ENPP2: variants seen among roughly 807,000 people sequenced by gnomAD.
ENPP2 encodes the protein autotaxin.
A neutral mutation model predicts 120.2 loss-of-function variants in ENPP2; 51 were observed. The ratio of observed to expected loss-of-function variants is 0.42; its 90% CI spans 0.34 to 0.54. The LOEUF is 0.54. Among genes scored for constraint, ENPP2 ranks in the 20% least tolerant of loss-of-function variants. ENPP2 has a pLI of 0.04. For missense variants in ENPP2, 920 were observed against 1,066.5 expected, an observed-to-expected ratio of 0.86 and a Z score of 1.91; for synonymous variants, 365 against 366.4, an observed-to-expected ratio of 1.00 and a Z score of 0.04.
At chr8:119,653,639 A>G (rs1817686691) in intron 1 of ENPP2, among the ~76,000 whole-genome samples, 1 of 152,046 alleles carries the variant, frequency 6.6e-6, no homozygotes. Context: ...AGTAATTGGG[A>G]GCTAGTTTAT....
In ENPP2 at chr8:119,585,149, A is replaced by C. The variant is rs536447203; in HGVS notation, c.1367+1037T>G. 3.9e-5 allele frequency among the ~76,000 whole-genome samples: 6 copies of C among 152,308 alleles called. No individual in the cohort carries two copies. The East Asian group carries it at 1.2e-3, about 29-fold the overall frequency. ...CATACATAAAAGGTCCTTCAGGAGCACATACCGGGCCAATTAATTTCAGTC... is the reference window on the plus strand; with the variant it reads ...CATACATAAAAGGTCCTTCAGGAGCCCATACCGGGCCAATTAATTTCAGTC... On this transcript the variant is annotated intron_variant, in intron 15 of 24. Coordinates refer to ENST00000075322, the MANE Select transcript of ENPP2 (RefSeq NM_001040092.3).
At chr8:119,630,244 G>A (rs554542653) in intron 2 of ENPP2, among the ~76,000 whole-genome samples, 1 of 151,926 alleles carries the variant, frequency 6.6e-6, no homozygotes, top group Non-Finnish European at 1.5e-5. Context: ...GAGTAGCTGG[G>A]ATTAGAGGCA....
intron 5 of ENPP2, among the ~76,000 whole-genome samples, 184 bp from the exon 6 acceptor site, chr8:119,617,747 G>A (rs1418065031): frequency 4.6e-5 from 7 of 152,070 alleles, no homozygotes; most frequent in East Asian, 3.9e-4. Flanking sequence ...TCAGGAGTTC[G>A]AGACCAGCCT....
intron 11 of ENPP2, among the ~76,000 whole-genome samples, chr8:119,599,186 G>C (rs1367860599): frequency 1.3e-5 from 2 of 152,076 alleles, no homozygotes; most frequent in South Asian, 4.2e-4. Context: ...CATACAAGAC[G>C]GGTTAAACTT....
intron 12 of ENPP2, among the ~76,000 whole-genome samples, chr8:119,593,544 G>T (rs890589535): frequency 6.6e-6 from 1 of 152,116 alleles, no homozygotes; most frequent in African/African-American, 2.4e-5. Context: ...TATATAAGAA[G>T]TCCCAGCTTT....
chr8:119,598,327 A>C (rs1269795135), intron 11 of ENPP2, among the ~76,000 whole-genome samples: 1 of 152,254 alleles, frequency 6.6e-6, no homozygotes, highest in Non-Finnish European at 1.5e-5. Flanking sequence ...GAGTTTATCC[A>C]GTAGGCATAT....
chr8:119,576,676 T>A (rs1055831638), intron 19 of ENPP2, among the ~76,000 whole-genome samples: 2 of 152,206 alleles, frequency 1.3e-5, no homozygotes, highest in African/African-American at 4.8e-5. Context: ...AGTGCCAGAA[T>A]TGCTTGCTAC....
chr8:119,578,465 G>C (rs1276467884), intron 19 of ENPP2: 1 of 152,204 alleles, frequency 6.6e-6, no homozygotes, highest in Non-Finnish European at 1.5e-5. Flanking sequence ...TTAGTACCAT[G>C]AACAGTCAGA....
intron 4 of ENPP2, 113 bp from the exon 5 acceptor site, chr8:119,619,417 C>A (rs1383914018): frequency 1.7e-3 from 758 of 435,440 alleles, no homozygotes; most frequent in South Asian, 4.9e-3. Flanking sequence ...TGGGATATAA[C>A]AAAAAAAAAA....
chr8:119,598,637 C>T (rs1236563127), intron 11 of ENPP2, among the ~76,000 whole-genome samples: 1 of 152,150 alleles, frequency 6.6e-6, no homozygotes, highest in Non-Finnish European at 1.5e-5. Flanking sequence ...TGATTAAGAA[C>T]ATTTATCATT....
At chr8:119,604,424 G>A (rs1814546957) in intron 9 of ENPP2, among the ~76,000 whole-genome samples, 3 of 152,138 alleles carry the variant, frequency 2.0e-5, no homozygotes, top group African/African-American at 7.2e-5. Flanking sequence ...AAAAGGACAT[G>A]GCCCTTAGCC....
chr8:119,595,933 G>C, intron 11 of ENPP2: 5 of 1,613,654 alleles, frequency 3.1e-6, no homozygotes, highest in Non-Finnish European at 4.2e-6. Flanking sequence ...GGTCTTTCCT[G>C]TCTCCTCTTA....
In ENPP2 at chr8:119,619,307, A is replaced by G. The variant is rs765753795; in HGVS notation, c.419-3T>C. 14 of 1,601,306 alleles carry G rather than the reference A, an allele frequency of 8.7e-6. No homozygotes were observed. In the Admixed American group the frequency reaches 1.5e-4, roughly 17 times the overall value. ...ATCATCAACCCAATGCGACTCTCCT[A>G]TAAGGAAAAATGGGTAAATGTATTG... On this transcript the variant is annotated splice_region_variant and splice_polypyrimidine_tract_variant and intron_variant, in intron 4 of 24. Transcript: ENST00000075322.
At chr8:119,608,177 CA>C (rs993975749) in intron 8 of ENPP2, among the ~76,000 whole-genome samples, 200 bp from the exon 9 acceptor site, 4 of 152,182 alleles carry the variant, frequency 2.6e-5, no homozygotes, top group African/African-American at 9.7e-5. Flanking sequence ...ATATTCTCTG[CA>C]AAAGCTCTCA....
At chr8:119,665,783 T>TA (rs1818051260) in intron 1 of ENPP2, among the ~76,000 whole-genome samples, 1 of 152,246 alleles carries the variant, frequency 6.6e-6, no homozygotes, top group Admixed American at 6.5e-5. Context: ...AGCCTTTTTT[T>TA]AACTCATGCT....
At chr8:119,654,160 T>C (rs1360445976) in intron 1 of ENPP2, among the ~76,000 whole-genome samples, 1 of 142,358 alleles carries the variant, frequency 7.0e-6, no homozygotes, top group Admixed American at 7.1e-5. Flanking sequence ...AGTATCTATA[T>C]ATAATATTAG....
intron 1 of ENPP2, among the ~76,000 whole-genome samples, chr8:119,670,259 T>C (rs754553683): frequency 7.2e-5 from 11 of 152,240 alleles, no homozygotes; most frequent in Non-Finnish European, 1.5e-4. Flanking sequence ...ACTCGAGGCA[T>C]TATTCTCAAA....
At position 119,665,501 on chromosome 8, in the gene ENPP2, C is replaced by T. The variant is rs114883792; in HGVS notation, c.21+7751G>A. Among the ~76,000 whole-genome samples the T allele has an allele frequency of 2.5e-3, 381 of 152,238 alleles. 2 individuals are homozygous for T. Among genetic ancestry groups the T allele is most frequent in the African/African-American group, 7.2e-3 (298 of 41,550 alleles). On this transcript the variant is annotated intron_variant, in intron 1 of 25. Coordinates refer to the ENPP2 transcript ENST00000427067. ...TTCTGTGGCAAACATGTCATTTTCC[C>T]TTATATTTAGCTTATGAATGAAATT...
intron 8 of ENPP2, among the ~76,000 whole-genome samples, chr8:119,614,364 C>T (rs1333379380): frequency 1.3e-5 from 2 of 152,032 alleles, no homozygotes; most frequent in East Asian, 1.9e-4. Context: ...CACGCCCGGC[C>T]CCTCCTAGGA....
Sources: gnomAD v4.1 joint callset for allele counts (sites outside exome capture counted in the v4.1 genomes callset) on GRCh38, gnomAD v4.1.1 for gene constraint, MANE v1.5 for transcripts, NCBI Gene and HGNC (gene_info 2026-07-23, HGNC 2026-07-21) for gene names.